The following CSMD2 variants were observed in gnomAD, a reference collection of about 807,000 sequenced individuals.
CSMD2 encodes the protein CUB and sushi domain-containing protein 2.
A neutral mutation model predicts 398.5 loss-of-function variants in CSMD2; 130 were observed. The ratio of observed to expected loss-of-function variants is 0.33; its 90% confidence interval spans 0.28 to 0.38. The LOEUF (loss-of-function observed/expected upper bound fraction) is 0.38. Ranked by LOEUF, CSMD2 falls within the 10% of genes least tolerant of loss-of-function variation. The pLI, the probability that CSMD2 is intolerant of heterozygous loss-of-function variation, is 1.00. For missense variants in CSMD2, 3,829 were observed against 4,764.9 expected (o/e 0.80, Z 5.78); for synonymous variants, 1,828 against 1,908.5 (o/e 0.96, Z 1.10).
At chr1:34,077,356 C>T (rs1265499504) in intron 2 of CSMD2, among the ~76,000 whole-genome samples, 1 of 144,050 alleles carries the variant, frequency 6.9e-6, no homozygotes, top group Non-Finnish European at 1.5e-5. Flanking sequence ...ACTCGGGAGG[C>T]TGAGGCAGGA....
chr1:33,840,397 C>T (rs1424182434), intron 6 of CSMD2, among the ~76,000 whole-genome samples: 1 of 152,184 alleles, frequency 6.6e-6, no homozygotes, highest in Non-Finnish European at 1.5e-5. Context: ...GTTATTGCCT[C>T]CCTATGGGTG....
intron 10 of CSMD2, among the ~76,000 whole-genome samples, chr1:33,800,754 G>A (rs1487394934): frequency 6.6e-6 from 1 of 152,156 alleles, no homozygotes; most frequent in Admixed American, 6.5e-5. Context: ...ATACCACATG[G>A]CCACAGCCAG....
chr1:33,643,037 C>T (rs1183442963), intron 29 of CSMD2, among the ~76,000 whole-genome samples: 1 of 152,192 alleles, frequency 6.6e-6, no homozygotes, highest in East Asian at 1.9e-4. Flanking sequence ...AGCAAGACCC[C>T]TGAAGCCACA....
At chr1:33,618,935 C>T (rs1185299918) in intron 37 of CSMD2, among the ~76,000 whole-genome samples, 1 of 152,134 alleles carries the variant, frequency 6.6e-6, no homozygotes, top group African/African-American at 2.4e-5. Flanking sequence ...CTCCCTGCCT[C>T]CCCTCCTAAA....
rs549031734 is a variant in CSMD2 at position 33,840,531 on chromosome 1, C to T, written c.1033+6353G>A. Among the ~76,000 whole-genome samples the T allele has an allele frequency of 2.6e-5, 4 of 152,336 alleles. 1 individual carries two copies. In the South Asian group the frequency reaches 8.3e-4, roughly 32 times the overall value. On this transcript the variant is annotated intron_variant, in intron 6 of 70. Coordinates refer to ENST00000373381, the MANE Select transcript of CSMD2 (RefSeq NM_001281956.2). ...GCTGTTGCCCCATGAGCTTGTGCAT[C>T]TATATTCTGTGATGACACTGAACCA...
In CSMD2 at chr1:33,572,650, C is replaced by G; in HGVS notation, c.7618G>C (p.Val2540Leu). ...CCCACTGTGTACTCCTTGCCAAACA[C>G]CATTCCATTCTTGGGGGCCTCAGGA... Reference protein sequence around the residue: ...GLPEAPKNGMVFGKEYTVGTK... With the variant: ...GLPEAPKNGMLFGKEYTVGTK... The change falls in exon 50 of 71, where the codon GTG becomes CTG. Residue 2540 changes from valine (V) to leucine (L), a missense_variant. By Grantham distance (32) the Val-to-Leu change is conservative. Coordinates refer to ENST00000373381, the MANE Select transcript of CSMD2 (RefSeq NM_001281956.2). 1 of 1,613,630 alleles carries G rather than the reference C, an allele frequency of 6.2e-7. No homozygotes were observed. Among genetic ancestry groups the G allele is most frequent in the South Asian group, 1.1e-5 (1 of 91,034 alleles).
At chr1:33,587,023 C>T (rs1570836074) in intron 45 of CSMD2, 65 bp downstream of exon 45, 6 of 1,323,472 alleles carry the variant, frequency 4.5e-6, no homozygotes, top group Admixed American at 2.1e-5. Context: ...GACAGCTCCC[C>T]CCGCCACCTT....
intron 2 of CSMD2, among the ~76,000 whole-genome samples, chr1:34,088,154 C>A (rs963264161): frequency 7.2e-5 from 11 of 152,224 alleles, no homozygotes; most frequent in Non-Finnish European, 1.2e-4. Context: ...TGGCTGGGAA[C>A]CACTCATTAG....
chr1:33,569,048 C>T (rs1009075235), intron 52 of CSMD2, among the ~76,000 whole-genome samples: 1 of 152,170 alleles, frequency 6.6e-6, no homozygotes, highest in Admixed American at 6.5e-5. Flanking sequence ...TACAGGAATG[C>T]GTCTGCAAAT....
At chr1:33,959,596 G>A (rs1645282648) in intron 3 of CSMD2, among the ~76,000 whole-genome samples, 2 of 152,142 alleles carry the variant, frequency 1.3e-5, no homozygotes, top group Non-Finnish European at 2.9e-5. Context: ...CAGCACAGTT[G>A]CTCACCCTGC....
chr1:33,886,875 T>C (rs995150939), intron 5 of CSMD2, among the ~76,000 whole-genome samples: 2 of 152,210 alleles, frequency 1.3e-5, no homozygotes, highest in African/African-American at 4.8e-5. Flanking sequence ...AGAGCTACTT[T>C]GTGCTGAGTG....
intron 6 of CSMD2, among the ~76,000 whole-genome samples, chr1:33,831,264 AG>A (rs1455569828): frequency 6.6e-6 from 1 of 152,172 alleles, no homozygotes; most frequent in African/African-American, 2.4e-5. Flanking sequence ...CCAGAGAGAA[AG>A]GTTAGGTTAC....
chr1:33,954,242 C>G (rs1645094596), intron 3 of CSMD2, among the ~76,000 whole-genome samples: 1 of 152,090 alleles, frequency 6.6e-6, no homozygotes, highest in Non-Finnish European at 1.5e-5. Context: ...CTAACTTGCC[C>G]TAGGTCGTAA....
At chr1:33,789,084 T>C (rs113972113) in intron 11 of CSMD2, among the ~76,000 whole-genome samples, 1,716 of 152,304 alleles carry the variant, frequency 0.011, 31 homozygotes, top group African/African-American at 0.039. Context: ...GTGTGACCTG[T>C]ATTGCAGAAA....
intron 3 of CSMD2, among the ~76,000 whole-genome samples, chr1:33,943,273 T>C (rs1644734097): frequency 1.3e-5 from 2 of 152,260 alleles, no homozygotes; most frequent in African/African-American, 4.8e-5. Context: ...ATCCTTGTGA[T>C]CTGACTGTTG....
At chr1:33,805,659 G>A (rs1656143105) in intron 10 of CSMD2, among the ~76,000 whole-genome samples, 1 of 152,050 alleles carries the variant, frequency 6.6e-6, no homozygotes, top group Non-Finnish European at 1.5e-5. Flanking sequence ...CATAGGGATG[G>A]GGCTGTAATC....
chr1:33,722,857 C>A lies in CSMD2; in HGVS notation c.3001+1340G>T, dbSNP rs75368182. On this transcript the variant is annotated intron_variant, in intron 19 of 70. Transcript: ENST00000373381. The stretch of plus-strand genomic sequence containing the variant: ...CCACCTGAGGTTAGAGATTCATGTT[C>A]CTCTAGTGCTGGAGTTTATGTGATT... 4.6e-3 allele frequency among the ~76,000 whole-genome samples: 701 copies of A among 152,080 alleles called. 9 individuals are homozygous for A. Among genetic ancestry groups the A allele is most frequent in the African/African-American group, 0.016 (680 of 41,460 alleles).
chr1:33,771,034 A>G (rs2149325933), intron 13 of CSMD2, among the ~76,000 whole-genome samples: 1 of 152,328 alleles, frequency 6.6e-6, no homozygotes, highest in South Asian at 2.1e-4. Context: ...CTTGGGGGAC[A>G]GTGAATCTTA....
At chr1:33,574,233 C>T (rs1351018001) in intron 49 of CSMD2, among the ~76,000 whole-genome samples, 1 of 152,054 alleles carries the variant, frequency 6.6e-6, no homozygotes, top group African/African-American at 2.4e-5. Context: ...ACAGAACTAA[C>T]TCAAGAATAC....
Sources: gnomAD v4.1 joint callset for allele counts (sites outside exome capture counted in the v4.1 genomes callset) on GRCh38, gnomAD v4.1.1 for gene constraint, MANE v1.5 for transcripts, NCBI Gene and HGNC (gene_info 2026-07-23, HGNC 2026-07-21) for gene names.